Variants in UGT2A2 observed in about 807,000 individuals in gnomAD.
UGT2A2 encodes the protein UDP glucuronosyltransferase family 2 member A2.
Under a neutral mutation model 50.7 loss-of-function variants are expected in UGT2A2, and 60 were observed. The ratio of observed to expected loss-of-function variants is 1.18; its 90% CI spans 0.96 to 1.47. The LOEUF (loss-of-function observed/expected upper bound fraction) is 1.47. Ranked by LOEUF, UGT2A2 falls within the 40% of genes most tolerant of loss-of-function variation. UGT2A2 has a pLI of 0.00. For missense variants in UGT2A2, 762 were observed against 634.0 expected (o/e 1.20, Z -2.17); for synonymous variants, 242 against 214.6 (o/e 1.13, Z -1.11).
At chr4:69,619,328 G>A (rs1360324455) in intron 1 of UGT2A2, among the ~76,000 whole-genome samples, 7 of 151,870 alleles carry the variant, frequency 4.6e-5, no homozygotes, top group African/African-American at 1.7e-4. Flanking sequence ...GAGCCTGGGA[G>A]GTTGAGACTA....
chr4:69,589,690 T>G, intron 5 of UGT2A2, 39 bp from the exon 6 acceptor site: 1 of 1,563,054 alleles, frequency 6.4e-7, no homozygotes, highest in Non-Finnish European at 8.7e-7. Context: ...AGACAATTTT[T>G]GTTTTTATTT....
At chr4:69,603,810 G>A (rs531755389) in intron 1 of UGT2A2, among the ~76,000 whole-genome samples, 1 of 135,394 alleles carries the variant, frequency 7.4e-6, no homozygotes, top group South Asian at 2.4e-4. Context: ...TGGAAGAAAG[G>A]GTATCAGTGA....
chr4:69,626,368 T>C (rs550871789), intron 1 of UGT2A2, among the ~76,000 whole-genome samples: 1 of 151,754 alleles, frequency 6.6e-6, no homozygotes, highest in Admixed American at 6.6e-5. Context: ...AAAAACTATA[T>C]ACATATGTAT....
intron 1 of UGT2A2, among the ~76,000 whole-genome samples, chr4:69,602,669 A>G (rs1391616041): frequency 7.3e-6 from 1 of 137,816 alleles, no homozygotes; most frequent in East Asian, 2.0e-4. Flanking sequence ...TTTCCACTGA[A>G]AAACTTGGAA....
At chr4:69,607,122 GC>G (rs778778515) in intron 1 of UGT2A2, among the ~76,000 whole-genome samples, 19,254 of 143,528 alleles carry the variant, frequency 0.13, 1,755 homozygotes, top group Non-Finnish European at 0.17. Flanking sequence ...TCAATCCTAA[GC>G]CAAAAGAACA....
At chr4:69,625,967 C>T (rs1027055330) in intron 1 of UGT2A2, among the ~76,000 whole-genome samples, 1 of 151,496 alleles carries the variant, frequency 6.6e-6, no homozygotes, top group Non-Finnish European at 1.5e-5. Context: ...TAAAGATACT[C>T]AATAACCACA....
At chr4:69,625,832 T>A (rs1721023074) in intron 1 of UGT2A2, among the ~76,000 whole-genome samples, 1 of 151,570 alleles carries the variant, frequency 6.6e-6, no homozygotes, top group African/African-American at 2.4e-5. Context: ...ATTAGTCTTG[T>A]AAGTTGTCCA....
At chr4:69,615,316 T>C (rs1720314947) in intron 1 of UGT2A2, among the ~76,000 whole-genome samples, 1 of 152,018 alleles carries the variant, frequency 6.6e-6, no homozygotes, top group African/African-American at 2.4e-5. Flanking sequence ...TGGGCAGATT[T>C]GATTAATAAG....
chr4:69,617,331 C>A (rs1374154481), intron 1 of UGT2A2, among the ~76,000 whole-genome samples: 1 of 151,704 alleles, frequency 6.6e-6, no homozygotes, highest in Non-Finnish European at 1.5e-5. Flanking sequence ...ATGGTGAGTC[C>A]AAATTATTAG....
chr4:69,596,150 G>A, intron 3 of UGT2A2, 100 bp downstream of exon 3: 1 of 1,346,998 alleles, frequency 7.4e-7, no homozygotes, highest in Non-Finnish European at 9.7e-7. Flanking sequence ...GATACTCAGT[G>A]TATAATGAGT....
chr4:69,607,296 C>A (rs1296949565), intron 1 of UGT2A2, among the ~76,000 whole-genome samples: 1 of 150,978 alleles, frequency 6.6e-6, no homozygotes, highest in Non-Finnish European at 1.5e-5. Flanking sequence ...TTTGACAAAC[C>A]TGACAAAAAC....
At chr4:69,614,619 G>T (rs775297012) in intron 1 of UGT2A2, among the ~76,000 whole-genome samples, 4 of 151,932 alleles carry the variant, frequency 2.6e-5, no homozygotes, top group African/African-American at 7.2e-5. Context: ...TATAAAAAAA[G>T]ACATATAGAC....
chr4:69,635,667 T>TA (rs1045174049), intron 1 of UGT2A2: 9 of 254,998 alleles, frequency 3.5e-5, no homozygotes, highest in Admixed American at 1.1e-4. Flanking sequence ...TCGTCTCTAT[T>TA]AAAAATACAA....
In UGT2A2 at chr4:69,589,201, G is replaced by A. The variant is rs1443359163; in HGVS notation, c.*171C>T. On this transcript the variant is annotated 3_prime_UTR_variant, in exon 6 of 6. Coordinates refer to ENST00000604629, the MANE Select transcript of UGT2A2 (RefSeq NM_001105677.2). ...TAACTCACAAGTTAATAATAATCAT[G>A]CCAAAATCTAGGCTTTATCAGTAGG... The A allele has an allele frequency of 2.4e-6, 2 of 831,550 alleles. No homozygotes were observed. Among genetic ancestry groups the A allele is most frequent in the Non-Finnish European group, 3.4e-6 (2 of 587,690 alleles). The allele number at this position is 831,550 out of a possible 1,614,324, so 51.5% of individuals were successfully genotyped here.
chr4:69,591,592 A>G (rs535224041), intron 5 of UGT2A2, among the ~76,000 whole-genome samples: 52 of 152,252 alleles, frequency 3.4e-4, no homozygotes, highest in African/African-American at 1.3e-3. Context: ...GAGGTATACT[A>G]AGGCATATTT....
At position 69,589,619 on chromosome 4, in the gene UGT2A2, A is replaced by G. The variant is rs1383104538; in HGVS notation, c.1364T>C (p.Ile455Thr). 6.2e-7 allele frequency: 1 copy of G among 1,613,894 alleles called. No individual in the cohort carries two copies. The highest frequency in any genetic ancestry group is 8.5e-7 in the Non-Finnish European group (1 of 1,179,844). ...YKENAMRLSR[I>T]HHDQPVKPLD... ...GGGCTTTACAGGTTGATCATGGTGA[A>G]TTCTTGATAACCTCATAGCATTCTC... Residue 455 changes from isoleucine (I) to threonine (T), a missense_variant, in exon 6 of 6, where the codon ATT (isoleucine) becomes ACT (threonine). Transcript: ENST00000604629.
At chr4:69,596,088 A>G (rs539505717) in intron 3 of UGT2A2, among the ~76,000 whole-genome samples, 162 bp downstream of exon 3, 2 of 152,336 alleles carry the variant, frequency 1.3e-5, no homozygotes, top group Admixed American at 1.3e-4. Flanking sequence ...TCAATGTGCT[A>G]ATGTACACAA....
intron 1 of UGT2A2, among the ~76,000 whole-genome samples, chr4:69,625,368 A>T (rs545914118): frequency 6.6e-6 from 1 of 150,696 alleles, no homozygotes; most frequent in African/African-American, 2.4e-5. Context: ...TTATTTTAAT[A>T]TTTTTTTCTG....
At chr4:69,618,210 T>TAC (rs1483314140) in intron 1 of UGT2A2, among the ~76,000 whole-genome samples, 4 of 78,426 alleles carry the variant, frequency 5.1e-5, no homozygotes, top group African/African-American at 2.6e-4. Context: ...TGTGTGTGTG[T>TAC]GTGTGTATGT....
Sources: gnomAD v4.1 joint callset for allele counts (sites outside exome capture counted in the v4.1 genomes callset) on GRCh38, gnomAD v4.1.1 for gene constraint, MANE v1.5 for transcripts, NCBI Gene and HGNC (gene_info 2026-07-23, HGNC 2026-07-21) for gene names.